BTBD9: variants seen among roughly 807,000 people sequenced by gnomAD.
BTBD9 encodes the protein BTB domain containing 9.
In BTBD9, 49 loss-of-function variants were observed where a neutral mutation model predicts 64.3. The ratio of observed to expected loss-of-function variants is 0.76; its 90% CI spans 0.61 to 0.97. The LOEUF is 0.97. Ranked by LOEUF, BTBD9 falls within the 50% of genes least tolerant of loss-of-function variation. The probability of loss-of-function intolerance (pLI) is 0.00; values close to 1 mark genes in which losing one functional copy is unlikely to be tolerated. For synonymous variants in BTBD9, 260 were observed against 274.7 expected, an observed-to-expected ratio of 0.95 and a Z score of 0.53; for missense variants, 598 against 762.1, an observed-to-expected ratio of 0.78 and a Z score of 2.53.
intron 6 of BTBD9, among the ~76,000 whole-genome samples, chr6:38,574,848 T>G (rs1005945755): frequency 2.0e-5 from 3 of 151,984 alleles, no homozygotes. Flanking sequence ...TCGACCTAAC[T>G]CCACAGCCCA....
intron 6 of BTBD9, among the ~76,000 whole-genome samples, chr6:38,357,212 G>T (rs1764760103): frequency 6.6e-6 from 1 of 152,066 alleles, no homozygotes; most frequent in Admixed American, 6.5e-5. Context: ...CCTCACAGTA[G>T]CCCTTCCCTA....
At chr6:38,441,600 T>G (rs111501738) in intron 6 of BTBD9, among the ~76,000 whole-genome samples, 1 of 151,990 alleles carries the variant, frequency 6.6e-6, no homozygotes, top group Non-Finnish European at 1.5e-5. Context: ...TTTTTTTTCA[T>G]AGAAACAGAT....
chr6:38,244,449 G>A (rs1029051578), intron 9 of BTBD9, among the ~76,000 whole-genome samples: 3 of 152,066 alleles, frequency 2.0e-5, no homozygotes, highest in Admixed American at 6.6e-5. Context: ...AGGCAGTTTA[G>A]AGTCCCTCTT....
chr6:38,282,093 G>T (rs1291814039), intron 8 of BTBD9, among the ~76,000 whole-genome samples: 1 of 151,992 alleles, frequency 6.6e-6, no homozygotes, highest in African/African-American at 2.4e-5. Context: ...GGCGACAGAG[G>T]GACTATAAAC....
At chr6:38,483,159 C>T (rs146399711) in intron 6 of BTBD9, among the ~76,000 whole-genome samples, 10 of 152,198 alleles carry the variant, frequency 6.6e-5, no homozygotes, top group Non-Finnish European at 1.5e-4. Flanking sequence ...TGCTTCCCCT[C>T]CCAGTGATAC....
intron 6 of BTBD9, among the ~76,000 whole-genome samples, chr6:38,427,139 G>A (rs1768199820): frequency 1.3e-5 from 2 of 151,136 alleles, no homozygotes; most frequent in Admixed American, 6.6e-5. Flanking sequence ...TTATGGCAGT[G>A]CAGTTCAGCC....
intron 6 of BTBD9, among the ~76,000 whole-genome samples, chr6:38,513,226 G>A (rs1331068277): frequency 4.6e-5 from 7 of 151,970 alleles, no homozygotes; most frequent in African/African-American, 1.7e-4. Context: ...GAGGCCGAGG[G>A]GAGTGGATCA....
intron 7 of BTBD9, among the ~76,000 whole-genome samples, chr6:38,295,996 C>T (rs1378380847): frequency 6.6e-6 from 1 of 152,044 alleles, no homozygotes; most frequent in Admixed American, 6.6e-5. Flanking sequence ...TGCAGTGGGC[C>T]GAGATCATGC....
intron 7 of BTBD9, among the ~76,000 whole-genome samples, chr6:38,338,105 C>A (rs1763964273): frequency 6.6e-6 from 1 of 152,128 alleles, no homozygotes; most frequent in African/African-American, 2.4e-5. Flanking sequence ...TCCCAGTAGT[C>A]CCCCCTTATC....
intron 7 of BTBD9, among the ~76,000 whole-genome samples, chr6:38,299,079 TC>T (rs1762279918): frequency 6.6e-6 from 1 of 152,162 alleles, no homozygotes; most frequent in African/African-American, 2.4e-5. Context: ...ATTGTTCAGT[TC>T]CCACCTATGA....
At chr6:38,414,818 A>T (rs1163318049) in intron 6 of BTBD9, among the ~76,000 whole-genome samples, 3 of 152,082 alleles carry the variant, frequency 2.0e-5, no homozygotes, top group African/African-American at 7.2e-5. Context: ...CAAGGGTGCT[A>T]TTTAAGAGTT....
chr6:38,256,544 C>T (rs1203652317), intron 8 of BTBD9, 28 bp from the exon 9 acceptor site: 6 of 1,504,312 alleles, frequency 4.0e-6, no homozygotes, highest in Non-Finnish European at 3.7e-6. Context: ...CATAAGATTG[C>T]TGTAAATGTT....
intron 10 of BTBD9, among the ~76,000 whole-genome samples, chr6:38,182,469 A>T (rs759137950): frequency 4.4e-4 from 67 of 152,308 alleles, no homozygotes; most frequent in Non-Finnish European, 8.7e-4. Context: ...GGCTTCTGGG[A>T]TGCCTGAATC....
At position 38,341,758 on chromosome 6, in the gene BTBD9, G is replaced by C. The variant is rs530036947; in HGVS notation, c.1264+3226C>G. Among the ~76,000 whole-genome samples the C allele has an allele frequency of 1.3e-3, 192 of 152,320 alleles. 1 individual carries two copies. Among genetic ancestry groups the C allele is most frequent in the African/African-American group, 4.5e-3 (186 of 41,574 alleles). On this transcript the variant is annotated intron_variant, in intron 7 of 10. Coordinates refer to ENST00000481247, the MANE Select transcript of BTBD9 (RefSeq NM_001099272.2). ...TACAAATGCCTCCTAACACAGAGGA[G>C]ACAGTCATCACAGGCTGACTCTCCC...
At chr6:38,557,880 C>T (rs1329585908) in intron 6 of BTBD9, among the ~76,000 whole-genome samples, 2 of 152,146 alleles carry the variant, frequency 1.3e-5, no homozygotes, top group Non-Finnish European at 2.9e-5. Context: ...AGTTAGAATC[C>T]ACTTTTCTGA....
chr6:38,444,858 C>T (rs1769196607), intron 6 of BTBD9, among the ~76,000 whole-genome samples: 1 of 152,186 alleles, frequency 6.6e-6, no homozygotes, highest in Admixed American at 6.5e-5. Context: ...TAACTTTTCA[C>T]TAACTAAAAG....
intron 7 of BTBD9, among the ~76,000 whole-genome samples, chr6:38,313,811 G>A (rs1450661832): frequency 3.4e-5 from 5 of 148,490 alleles, no homozygotes; most frequent in Admixed American, 6.8e-5. Context: ...GTGCAGTGGC[G>A]TCATCTTGGC....
At chr6:38,237,976 T>A (rs1340235639) in intron 9 of BTBD9, among the ~76,000 whole-genome samples, 2 of 151,874 alleles carry the variant, frequency 1.3e-5, no homozygotes, top group African/African-American at 4.8e-5. Flanking sequence ...TGTCTCTATT[T>A]AAAAAAAATA....
rs142371262 is a variant in BTBD9, at chr6:38,621,409, C to G, written c.-28+18391G>C. Among the ~76,000 whole-genome samples, 375 of 152,240 alleles carry G rather than the reference C, an allele frequency of 2.5e-3. 1 individual carries two copies. Among genetic ancestry groups the G allele is most frequent in the African/African-American group, 8.5e-3 (355 of 41,530 alleles). Reference sequence around the variant, plus strand: ...CGCCTGAGAGGAACTCTTGGAAGTCCCCTTAGCTAATCCTGACCTTAACCT... The same window carrying G: ...CGCCTGAGAGGAACTCTTGGAAGTCGCCTTAGCTAATCCTGACCTTAACCT... On this transcript the variant is annotated intron_variant, in intron 1 of 10. Transcript: ENST00000481247.
Sources: gnomAD v4.1 joint callset for allele counts (sites outside exome capture counted in the v4.1 genomes callset) on GRCh38, gnomAD v4.1.1 for gene constraint, MANE v1.5 for transcripts, NCBI Gene and HGNC (gene_info 2026-07-23, HGNC 2026-07-21) for gene names.